The following SUGCT variants were observed in gnomAD, a reference collection of about 807,000 sequenced individuals.
SUGCT encodes the protein succinyl-CoA:glutarate CoA-transferase.
In SUGCT, 41 loss-of-function variants were observed where a neutral mutation model predicts 55.0. The observed-to-expected ratio is 0.74, with a 90% CI of 0.58 to 0.97. The LOEUF (loss-of-function observed/expected upper bound fraction) is 0.97, where lower values mean the gene tolerates loss of function less well. Among genes scored for constraint, SUGCT ranks in the 50% least tolerant of loss-of-function variants. The pLI is 0.00. For synonymous variants in SUGCT, 187 were observed against 200.4 expected (o/e 0.93, Z 0.56); for missense variants, 568 against 547.8 (o/e 1.04, Z -0.37).
intron 8 of SUGCT, among the ~76,000 whole-genome samples, chr7:40,290,076 C>A (rs201511042): frequency 6.6e-5 from 10 of 151,284 alleles, no homozygotes; most frequent in Admixed American, 2.0e-4. Context: ...AATGGCCATA[C>A]TGCCCAAGGT....
At chr7:40,501,944 T>C (rs1183695373) in intron 12 of SUGCT, among the ~76,000 whole-genome samples, 1 of 152,058 alleles carries the variant, frequency 6.6e-6, no homozygotes, top group Non-Finnish European at 1.5e-5. Flanking sequence ...TTAAGCATAT[T>C]TGCCCCAGAA....
rs117125147 is a variant in SUGCT at position 40,557,467 on chromosome 7, T to C, written c.1089+61081T>C. Among the ~76,000 whole-genome samples, 34 of 152,270 alleles carry C rather than the reference T, an allele frequency of 2.2e-4. No individual in the cohort carries two copies. In the East Asian group the frequency reaches 6.4e-3, roughly 29 times the overall value. On this transcript the variant is annotated intron_variant, in intron 12 of 13. Coordinates refer to ENST00000335693, the MANE Select transcript of SUGCT (RefSeq NM_001193313.2). ...TGGGCTTCATCAAAATTAAAAACTT[T>C]TGTACATCACAAGACACTATCGAGG...
intron 7 of SUGCT, among the ~76,000 whole-genome samples, chr7:40,268,106 T>C (rs539463783): frequency 6.6e-6 from 1 of 152,378 alleles, no homozygotes; most frequent in African/African-American, 2.4e-5. Flanking sequence ...GCTTTATGGA[T>C]ATAATTCATA....
chr7:40,438,645 C>T (rs1309149387), intron 9 of SUGCT, among the ~76,000 whole-genome samples: 1 of 151,960 alleles, frequency 6.6e-6, no homozygotes, highest in Non-Finnish European at 1.5e-5. Flanking sequence ...CTGCTGTCTC[C>T]CCACATCATT....
intron 12 of SUGCT, among the ~76,000 whole-genome samples, chr7:40,544,876 G>A (rs1479729862): frequency 6.6e-6 from 1 of 152,166 alleles, no homozygotes; most frequent in Non-Finnish European, 1.5e-5. Context: ...AAGGAAGCAT[G>A]GTCTATTTCC....
At chr7:40,261,480 C>G (rs1260717385) in intron 7 of SUGCT, among the ~76,000 whole-genome samples, 1 of 152,080 alleles carries the variant, frequency 6.6e-6, no homozygotes, top group Admixed American at 6.6e-5. Flanking sequence ...AACATGTATC[C>G]CAACATATGT....
At chr7:40,236,283 C>G (rs1024776229) in intron 6 of SUGCT, among the ~76,000 whole-genome samples, 5 of 151,930 alleles carry the variant, frequency 3.3e-5, no homozygotes, top group African/African-American at 1.2e-4. Flanking sequence ...GTCTTGAACT[C>G]TTGACCGCAG....
chr7:40,166,434 C>T (rs1021511046), intron 1 of SUGCT, among the ~76,000 whole-genome samples: 12 of 152,142 alleles, frequency 7.9e-5, no homozygotes, highest in African/African-American at 2.9e-4. Context: ...ATTCCATTAC[C>T]TGATATTAAA....
intron 10 of SUGCT, among the ~76,000 whole-genome samples, chr7:40,453,435 G>T (rs1049219976): frequency 2.0e-5 from 3 of 152,230 alleles, no homozygotes; most frequent in African/African-American, 7.2e-5. Flanking sequence ...TGTTGTTTAT[G>T]AACTCTTGGG....
the SUGCT span, among the ~76,000 whole-genome samples, chr7:41,008,239 A>C: frequency 3.3e-5 from 5 of 152,166 alleles, no homozygotes; most frequent in African/African-American, 1.2e-4. Context: ...ATTTTCCTCT[A>C]GGAGTTTCCA....
At chr7:40,653,116 A>G (rs1015160741) in intron 12 of SUGCT, among the ~76,000 whole-genome samples, 1 of 152,234 alleles carries the variant, frequency 6.6e-6, no homozygotes, top group African/African-American at 2.4e-5. Flanking sequence ...GGCACCATGC[A>G]TAAGTTAGTC....
At chr7:41,002,447 C>T in the SUGCT span, among the ~76,000 whole-genome samples, 2 of 152,270 alleles carry the variant, frequency 1.3e-5, no homozygotes, top group East Asian at 3.9e-4. Flanking sequence ...GAGGCACAGC[C>T]ATCAGCCGAG....
chr7:40,463,055 C>T (rs1789891532), intron 11 of SUGCT, among the ~76,000 whole-genome samples: 1 of 152,154 alleles, frequency 6.6e-6, no homozygotes, highest in African/African-American at 2.4e-5. Context: ...GTAACAGTAG[C>T]CACTCACAAA....
chr7:40,586,821 A>G (rs1188444487), intron 12 of SUGCT, among the ~76,000 whole-genome samples: 4 of 152,260 alleles, frequency 2.6e-5, no homozygotes, highest in Non-Finnish European at 5.9e-5. Context: ...GCTTTTAACC[A>G]CAATACTGTG....
At chr7:40,741,228 C>T (rs1468676725) in intron 12 of SUGCT, among the ~76,000 whole-genome samples, 1 of 151,212 alleles carries the variant, frequency 6.6e-6, no homozygotes, top group Non-Finnish European at 1.5e-5. Flanking sequence ...GCCGAGATCA[C>T]GCCACTGCAC....
chr7:40,979,079 C>A, the SUGCT span, among the ~76,000 whole-genome samples: 1 of 152,030 alleles, frequency 6.6e-6, no homozygotes, highest in South Asian at 2.1e-4. Context: ...CAGTCCCTGG[C>A]CCCCCATGCC....
chr7:40,554,729 C>T (rs1278972822), intron 12 of SUGCT, among the ~76,000 whole-genome samples: 3 of 152,192 alleles, frequency 2.0e-5, no homozygotes, highest in African/African-American at 7.2e-5. Context: ...GTCAGTTTCT[C>T]ATATATTTTC....
intron 12 of SUGCT, among the ~76,000 whole-genome samples, chr7:40,551,506 AAAAC>A (rs528008956): frequency 8.3e-4 from 127 of 152,332 alleles, no homozygotes; most frequent in African/African-American, 2.8e-3. Flanking sequence ...TATACAATCT[AAAAC>A]AGACAGAAAG....
At chr7:40,349,134 A>T (rs1427251282) in intron 9 of SUGCT, among the ~76,000 whole-genome samples, 3 of 152,198 alleles carry the variant, frequency 2.0e-5, no homozygotes, top group Non-Finnish European at 4.4e-5. Context: ...AATGGTAAGT[A>T]ATAATAGCTT....
Sources: allele counts gnomAD v4.1 joint callset (sites outside exome capture counted in the v4.1 genomes callset), GRCh38; gene constraint gnomAD v4.1.1; transcripts MANE v1.5; gene names NCBI Gene and HGNC (gene_info 2026-07-23, HGNC 2026-07-21).